ELOVL7: variants seen among roughly 807,000 people sequenced by gnomAD.
ELOVL7 encodes ELOVL fatty acid elongase 7, also known as very long chain fatty acid elongase 7.
Under a neutral mutation model 35.7 loss-of-function variants are expected in ELOVL7, and 27 were observed. The ratio of observed to expected loss-of-function variants is 0.76; its 90% CI spans 0.56 to 1.04. ELOVL7 has a LOEUF of 1.04. Among genes scored for constraint, ELOVL7 ranks in the 50% least tolerant of loss-of-function variants. The pLI is 0.00. For synonymous variants in ELOVL7, 113 were observed against 114.6 expected (o/e 0.99, Z 0.09); for missense variants, 327 against 340.8 (o/e 0.96, Z 0.32).
intron 1 of ELOVL7, among the ~76,000 whole-genome samples, chr5:60,837,936 C>CA (rs941321835): frequency 2.0e-5 from 3 of 151,456 alleles, no homozygotes; most frequent in Non-Finnish European, 2.9e-5. Flanking sequence ...AACTCTGTCT[C>CA]AAAAAAAAGA....
In ELOVL7 at chr5:60,780,903, A is replaced by G. The variant is rs147876203; in HGVS notation, c.64+6431T>C. On this transcript the variant is annotated intron_variant, in intron 3 of 8. Coordinates refer to ENST00000508821, the MANE Select transcript of ELOVL7 (RefSeq NM_024930.3). ...TATGTCTAGTTGTTATTGCTAATGA[A>G]ATAAAAAACTAATGAAAACAATACT... Among the ~76,000 whole-genome samples the G allele has an allele frequency of 1.8e-3, 272 of 152,250 alleles. 2 individuals are homozygous for G. The highest frequency in any genetic ancestry group is 6.4e-3 in the African/African-American group (267 of 41,558).
chr5:60,813,454 T>G (rs868047821), intron 1 of ELOVL7, among the ~76,000 whole-genome samples: 32 of 152,218 alleles, frequency 2.1e-4, no homozygotes, highest in Middle Eastern at 3.4e-3. Flanking sequence ...CTTTTCCCCT[T>G]TCCCTATTCT....
intron 1 of ELOVL7, among the ~76,000 whole-genome samples, chr5:60,805,858 T>G (rs887067904): frequency 5.3e-5 from 8 of 152,208 alleles, no homozygotes; most frequent in Non-Finnish European, 1.2e-4. Flanking sequence ...CCTCATTATG[T>G]CCATATTCCC....
intron 2 of ELOVL7, among the ~76,000 whole-genome samples, chr5:60,796,978 A>G (rs938943161): frequency 1.3e-5 from 2 of 152,212 alleles, no homozygotes; most frequent in African/African-American, 4.8e-5. Context: ...GGCTATGGCA[A>G]TATTAGTGGA....
intron 1 of ELOVL7, among the ~76,000 whole-genome samples, chr5:60,829,154 A>G (rs565862692): frequency 1.4e-5 from 2 of 147,590 alleles, no homozygotes; most frequent in African/African-American, 4.9e-5. Flanking sequence ...TTTATATTTT[A>G]TGTTTAGAGC....
intron 3 of ELOVL7, chr5:60,785,699 A>C (rs1482303402): frequency 6.6e-6 from 1 of 152,140 alleles, no homozygotes; most frequent in African/African-American, 2.4e-5. Flanking sequence ...GATGACCCCT[A>C]AAGAAACTTG....
At chr5:60,836,154 T>TAC (rs1198518497) in intron 1 of ELOVL7, among the ~76,000 whole-genome samples, 3 of 152,096 alleles carry the variant, frequency 2.0e-5, no homozygotes, top group Admixed American at 6.5e-5. Context: ...TATATATATA[T>TAC]ACACATTTTA....
At chr5:60,756,819 A>AG (rs1182937092) in intron 8 of ELOVL7, among the ~76,000 whole-genome samples, 1 of 152,158 alleles carries the variant, frequency 6.6e-6, no homozygotes, top group Non-Finnish European at 1.5e-5. Flanking sequence ...TGGAAATGCA[A>AG]GGGTGGCAGA....
intron 2 of ELOVL7, among the ~76,000 whole-genome samples, chr5:60,797,044 A>G (rs1244206337): frequency 6.6e-6 from 1 of 152,246 alleles, no homozygotes; most frequent in Non-Finnish European, 1.5e-5. Context: ...ATTTAGATGT[A>G]TATATTCCAG....
In ELOVL7 at chr5:60,790,492, A is replaced by T. The variant is rs982639702; in HGVS notation, c.-34-3061T>A. On this transcript the variant is annotated intron_variant, in intron 2 of 8. Coordinates refer to ENST00000508821, the MANE Select transcript of ELOVL7 (RefSeq NM_024930.3). Reference sequence around the variant, plus strand: ...TTTTGTCTAAATTCTTTAAGAGTTCATCCCCTCCAGAGGATTTCTCCAAGT... The same window carrying T: ...TTTTGTCTAAATTCTTTAAGAGTTCTTCCCCTCCAGAGGATTTCTCCAAGT... Among the ~76,000 whole-genome samples, 106 of 152,304 alleles carry T rather than the reference A, an allele frequency of 7.0e-4. 1 individual carries two copies. The highest frequency in any genetic ancestry group is 6.9e-3 in the Admixed American group (106 of 15,304).
At chr5:60,757,278 A>C (rs1741596827) in intron 8 of ELOVL7, among the ~76,000 whole-genome samples, 1 of 152,150 alleles carries the variant, frequency 6.6e-6, no homozygotes, top group Non-Finnish European at 1.5e-5. Context: ...GTATAAATGC[A>C]TAATATAAAG....
chr5:60,772,916 C>G (rs1318720558), intron 3 of ELOVL7, among the ~76,000 whole-genome samples: 1 of 152,284 alleles, frequency 6.6e-6, no homozygotes, highest in East Asian at 1.9e-4. Context: ...TGGCACACTT[C>G]CACATATACT....
intron 1 of ELOVL7, among the ~76,000 whole-genome samples, chr5:60,800,770 A>G (rs1744560988): frequency 7.0e-6 from 1 of 143,812 alleles, no homozygotes. Flanking sequence ...TATTCAACAT[A>G]GTAGTCTTCC....
intron 1 of ELOVL7, among the ~76,000 whole-genome samples, chr5:60,842,368 C>A (rs1747224601): frequency 1.3e-5 from 2 of 151,554 alleles, no homozygotes; most frequent in Admixed American, 1.3e-4. Flanking sequence ...CAAGTCCAAG[C>A]GGAATATTAT....
intron 1 of ELOVL7, among the ~76,000 whole-genome samples, chr5:60,828,185 A>C (rs1746285052): frequency 6.6e-6 from 1 of 151,808 alleles, no homozygotes; most frequent in Non-Finnish European, 1.5e-5. Context: ...GACCCCTTTG[A>C]CCCCTCACCC....
chr5:60,837,235 C>A (rs970501798), intron 1 of ELOVL7, among the ~76,000 whole-genome samples: 6 of 148,810 alleles, frequency 4.0e-5, no homozygotes, highest in Non-Finnish European at 7.4e-5. Flanking sequence ...GGAGTCGAGA[C>A]CAGCCTGGCC....
intron 3 of ELOVL7, among the ~76,000 whole-genome samples, chr5:60,776,513 T>C (rs1323434841): frequency 6.6e-6 from 1 of 152,222 alleles, no homozygotes; most frequent in Non-Finnish European, 1.5e-5. Context: ...ATGTGGTACA[T>C]ATATACTGTG....
intron 2 of ELOVL7, among the ~76,000 whole-genome samples, chr5:60,795,117 G>A (rs984571140): frequency 1.3e-5 from 2 of 152,292 alleles, no homozygotes; most frequent in South Asian, 2.1e-4. Context: ...GAATAAAAAG[G>A]CAAAGGCAGC....
At chr5:60,762,519 G>A (rs572140832) in intron 7 of ELOVL7, among the ~76,000 whole-genome samples, 6 of 151,992 alleles carry the variant, frequency 3.9e-5, no homozygotes, top group African/African-American at 1.2e-4. Context: ...AGAAAGGGAC[G>A]GAAATAAAGA....
Sources: gnomAD v4.1 joint callset for allele counts (sites outside exome capture counted in the v4.1 genomes callset) on GRCh38, gnomAD v4.1.1 for gene constraint, MANE v1.5 for transcripts, NCBI Gene and HGNC (gene_info 2026-07-23, HGNC 2026-07-21) for gene names.